The following WRN variants were observed in gnomAD, a reference collection of about 807,000 sequenced individuals.
The protein encoded by WRN is WRN RecQ like helicase, also known as bifunctional 3'-5' exonuclease/ATP-dependent helicase WRN.
Under a neutral mutation model 180.7 loss-of-function variants are expected in WRN, and 149 were observed. That is an observed-to-expected ratio of 0.82 (90% CI 0.72 to 0.94). The LOEUF is 0.94. Among genes scored for constraint, WRN ranks in the 40% least tolerant of loss-of-function variants. The pLI, the probability that WRN is intolerant of heterozygous loss-of-function variation, is 0.00. For synonymous variants in WRN, 548 were observed against 568.9 expected, an observed-to-expected ratio of 0.96 and a Z score of 0.52; for missense variants, 1,661 against 1,700.1, an observed-to-expected ratio of 0.98 and a Z score of 0.40.
chr8:31,173,037 G>A lies in WRN; in HGVS notation c.4234G>A (p.Ala1412Thr), dbSNP rs1440644161. The A allele has an allele frequency of 1.2e-6, 2 of 1,613,952 alleles. No individual in the cohort carries two copies. The highest frequency in any genetic ancestry group is 3.3e-5 in the Admixed American group (2 of 60,010). ...AAAGAGACGATTACCTGTGTGGTTT[G>A]CCAAAGGAAGTGATACCAGCAAGAA... ...ERKRRLPVWF[A>T]KGSDTSKKLM... The change falls in exon 35 of 35, where the codon GCC becomes ACC. Residue 1412 changes from alanine (A) to threonine (T), a missense_variant. Ala to Thr is a moderately conservative substitution (Grantham distance 58, BLOSUM62 0). Transcript: ENST00000298139.
chr8:31,108,941 C>G (rs1438850029), intron 18 of WRN, among the ~76,000 whole-genome samples: 2 of 152,180 alleles, frequency 1.3e-5, no homozygotes, highest in African/African-American at 4.8e-5. Context: ...GGCTGAGTTG[C>G]CTCCAGTCTT....
rs541404087 is a variant in WRN at position 31,046,870 on chromosome 8, T to A, written c.-76-11502T>A. ...AAAAATAATTAGACTGGAGGATAAC[T>A]TTTTTCCTTCCAGGAATTACACAAT... On this transcript the variant is annotated intron_variant, in intron 1 of 34. Coordinates refer to ENST00000298139, the MANE Select transcript of WRN (RefSeq NM_000553.6). 2.0e-5 allele frequency among the ~76,000 whole-genome samples: 3 copies of A among 152,342 alleles called. No individual in the cohort carries two copies. In the East Asian group the frequency reaches 5.8e-4, roughly 29 times the overall value.
chr8:31,037,324 C>A (rs961698572), intron 1 of WRN, among the ~76,000 whole-genome samples: 2 of 152,170 alleles, frequency 1.3e-5, no homozygotes, highest in Non-Finnish European at 2.9e-5. Context: ...CAGGTGGTAA[C>A]GTGAGGAATG....
intron 17 of WRN, among the ~76,000 whole-genome samples, chr8:31,100,470 CTT>C (rs1814179506): frequency 1.3e-5 from 2 of 152,068 alleles, no homozygotes; most frequent in Non-Finnish European, 2.9e-5. Context: ...CTTTTTATCT[CTT>C]TTAATAGCTA....
intron 31 of WRN, among the ~76,000 whole-genome samples, chr8:31,153,467 CAG>C (rs1185353909): frequency 6.6e-6 from 1 of 152,154 alleles, no homozygotes; most frequent in Non-Finnish European, 1.5e-5. Context: ...AAAAGAGAAA[CAG>C]AAACATGTAA....
intron 7 of WRN, among the ~76,000 whole-genome samples, chr8:31,073,319 A>G (rs1812978464): frequency 6.6e-6 from 1 of 152,186 alleles, no homozygotes. Context: ...TGGAAGATAT[A>G]TATTGTGAAG....
At chr8:31,123,176 T>A (rs544556552) in intron 21 of WRN, among the ~76,000 whole-genome samples, 6 of 152,166 alleles carry the variant, frequency 3.9e-5, no homozygotes, top group African/African-American at 1.4e-4. Context: ...GTCCGGTGCA[T>A]TCACGTTGTA....
intron 7 of WRN, 94 bp from the exon 8 acceptor site, chr8:31,076,079 G>GA: frequency 9.5e-7 from 1 of 1,048,482 alleles, no homozygotes. Context: ...GAAAGAAAAT[G>GA]AAAATTTGAT....
Position 31,090,465 on chromosome 8 carries a change from A to G in WRN, c.1653A>G (p.Pro551=). The change falls in exon 14 of 35, where the codon CCA becomes CCG. Residue 551 remains proline (P), a splice_region_variant and synonymous_variant. Coordinates refer to ENST00000298139, the MANE Select transcript of WRN (RefSeq NM_000553.6). ...TAGCTTTTTGCTTTTCACCTTCAAG[A>G]GTTCAGTGGAAAGTGATTCATTCAG... ...KMYFGHSSFK[P]VQWKVIHSVL... 6.2e-7 allele frequency: 1 copy of G among 1,611,802 alleles called. No individual in the cohort carries two copies. Among genetic ancestry groups the G allele is most frequent in the Non-Finnish European group, 8.5e-7 (1 of 1,178,464 alleles).
intron 30 of WRN, among the ~76,000 whole-genome samples, chr8:31,148,539 T>C (rs1157312012): frequency 1.3e-5 from 2 of 151,890 alleles, no homozygotes; most frequent in Non-Finnish European, 2.9e-5. Flanking sequence ...GAAGATCCAT[T>C]TTCAACTTCC....
At chr8:31,150,204 GTTTTTGGTTGTTGGAAAAAC>G in intron 30 of WRN, 117 bp from the exon 31 acceptor site, 1 of 735,168 alleles carries the variant, frequency 1.4e-6, no homozygotes, top group Non-Finnish European at 2.4e-6. Context: ...ATTATACGTT[GTTTTTGGTTGTTGGAAAAAC>G]TATACATTTA....
chr8:31,175,544 T>G lies in WRN; in HGVS notation c.*2442T>G, dbSNP rs983277607. Among the ~76,000 whole-genome samples, 1 of 152,264 alleles carries G rather than the reference T, an allele frequency of 6.6e-6. No individual in the cohort carries two copies. The highest frequency in any genetic ancestry group is 1.5e-5 in the Non-Finnish European group (1 of 68,044). ...CAGAGTATGAAAAAGTTTATTGATA[T>G]AGTTTCAGATTACACACTGCAACTA... is the stretch of plus-strand genomic sequence containing the variant. On this transcript the variant is annotated 3_prime_UTR_variant, in exon 35 of 35. Coordinates refer to ENST00000298139, the MANE Select transcript of WRN (RefSeq NM_000553.6).
rs148591204 is a variant in WRN, at chr8:31,042,592, C to A, written c.-77+8619C>A. On this transcript the variant is annotated intron_variant, in intron 1 of 34. Coordinates refer to ENST00000298139, the MANE Select transcript of WRN (RefSeq NM_000553.6). ...CTTTTCATAGTTGTCAGATTGAAAT[C>A]CTTCACCAGTGTTTTAGGTTAACCC... Among the ~76,000 whole-genome samples the A allele has an allele frequency of 2.7e-3, 416 of 152,276 alleles. 3 individuals are homozygous for A. Among genetic ancestry groups the A allele is most frequent in the Admixed American group, 0.012 (190 of 15,302 alleles).
chr8:31,104,617 C>T, intron 18 of WRN, among the ~76,000 whole-genome samples: 1 of 152,130 alleles, frequency 6.6e-6, no homozygotes, highest in East Asian at 1.9e-4. Flanking sequence ...GTGGTTCTTT[C>T]CTAAAATTGT....
In WRN at chr8:31,174,103, C is replaced by T. The variant is rs1173157833; in HGVS notation, c.*1001C>T. Among the ~76,000 whole-genome samples, 4 of 152,314 alleles carry T rather than the reference C, an allele frequency of 2.6e-5. No individual in the cohort carries two copies. In the East Asian group the frequency reaches 7.7e-4, roughly 29 times the overall value. On this transcript the variant is annotated 3_prime_UTR_variant, in exon 35 of 35. Coordinates refer to ENST00000298139, the MANE Select transcript of WRN (RefSeq NM_000553.6). ...ATCACAGTCAACCTCTTTTGTGTAT[C>T]CCACCAGACTTTTTTATATTCATTT...
chr8:31,088,484 G>A (rs901579652), intron 12 of WRN, among the ~76,000 whole-genome samples: 1 of 152,008 alleles, frequency 6.6e-6, no homozygotes, highest in African/African-American at 2.4e-5. Flanking sequence ...TAACTAAAAC[G>A]AAGATTTTAT....
chr8:31,077,351 C>G (rs1215135645), intron 8 of WRN, among the ~76,000 whole-genome samples: 1 of 152,156 alleles, frequency 6.6e-6, no homozygotes, highest in African/African-American at 2.4e-5. Flanking sequence ...CACCATTATC[C>G]TGCCTCAGCC....
At position 31,058,562 on chromosome 8, in the gene WRN, A is replaced by G. The variant is rs759713090; in HGVS notation, c.96+19A>G. 1.1e-5 allele frequency: 18 copies of G among 1,608,500 alleles called. No individual in the cohort carries two copies. Among genetic ancestry groups the G allele is most frequent in the East Asian group, 4.5e-5 (2 of 44,710 alleles). Reference sequence around the variant, plus strand: ...AAGAAAGGTATGTTGTTCATTGACTATTCTTTTGGGTGAGAAATTTAATTT... The same window carrying G: ...AAGAAAGGTATGTTGTTCATTGACTGTTCTTTTGGGTGAGAAATTTAATTT... On this transcript the variant is annotated intron_variant, in intron 2 of 34. Coordinates refer to ENST00000298139, the MANE Select transcript of WRN (RefSeq NM_000553.6).
At chr8:31,051,484 A>G (rs1033717827) in intron 1 of WRN, among the ~76,000 whole-genome samples, 17 of 152,202 alleles carry the variant, frequency 1.1e-4, no homozygotes, top group African/African-American at 3.1e-4. Flanking sequence ...CGTGATTTCT[A>G]TTGACATGAA....
Sources: allele counts gnomAD v4.1 joint callset (sites outside exome capture counted in the v4.1 genomes callset), GRCh38; gene constraint gnomAD v4.1.1; transcripts MANE v1.5; gene names NCBI Gene and HGNC (gene_info 2026-07-23, HGNC 2026-07-21).